REC8: variants seen among roughly 807,000 people sequenced by gnomAD.
The protein encoded by REC8 is meiotic recombination protein REC8 homolog.
REC8 carries 42 observed loss-of-function variants against 78.3 expected under a neutral mutation model. The ratio of observed to expected loss-of-function variants is 0.54; its 90% confidence interval spans 0.42 to 0.69. REC8 has a LOEUF of 0.69. REC8 is among the 30% of genes least tolerant of loss of function. The pLI is 0.00. For synonymous variants in REC8, 268 were observed against 274.1 expected (o/e 0.98, Z 0.22); for missense variants, 581 against 715.8 (o/e 0.81, Z 2.15).
downstream of REC8, chr14:24,180,857 G>C (rs974037182): frequency 2.2e-5 from 21 of 956,692 alleles, no homozygotes; most frequent in Non-Finnish European, 3.3e-5. Flanking sequence ...TATCAGGGGG[G>C]TGGTTGCACC....
In REC8 at chr14:24,179,925, G is replaced by A; in HGVS notation, c.1558+19G>A. 2 of 1,614,076 alleles carry A rather than the reference G, an allele frequency of 1.2e-6. No homozygotes were observed. The highest frequency in any genetic ancestry group is 1.7e-6 in the Non-Finnish European group (2 of 1,180,006). On this transcript the variant is annotated intron_variant, in intron 18 of 18. Transcript: ENST00000611366. ...CTCCTGGGTGAGTGTATGCATGTGT[G>A]TGTGTGTATGTGGGGCAGGGACACA...
chr14:24,180,696 G>A (rs2039120485), downstream of REC8: 2 of 1,614,060 alleles, frequency 1.2e-6, no homozygotes, highest in African/African-American at 1.3e-5. Context: ...CACCTGGTGG[G>A]ATCTTGTTGT....
In REC8 at chr14:24,177,491, G is replaced by A. The variant is rs367730748; in HGVS notation, c.764G>A (p.Gly255Asp). 6.2e-7 allele frequency: 1 copy of A among 1,613,990 alleles called. No individual in the cohort carries two copies. The highest frequency in any genetic ancestry group is 8.5e-7 in the Non-Finnish European group (1 of 1,179,992). Residue 255 changes from glycine (G) to aspartate (D), a missense_variant, in exon 10 of 19, where the codon GGT becomes GAT. Coordinates refer to ENST00000611366, the MANE Select transcript of REC8 (RefSeq NM_001048205.2). ...GTGGAAGGAATAGGAGAGGCACTGG[G>A]TCCTGAGGAGCTGAGGCTGACAGGC... ...AEVEGIGEAL[G>D]PEELRLTGWE...
At chr14:24,178,028 C>T (rs1351520192) in intron 11 of REC8, 63 bp from the exon 12 acceptor site, 35 of 1,564,156 alleles carry the variant, frequency 2.2e-5, no homozygotes, top group Non-Finnish European at 2.9e-5. Flanking sequence ...TAGCAGTCCA[C>T]CAGAATGACA....
Position 24,178,814 on chromosome 14 carries a change from C to T in REC8, c.1101C>T (p.Thr367=). Residue 367 remains threonine (T), a synonymous_variant, in exon 14 of 19, where the codon ACC becomes ACT. Transcript: ENST00000611366. ...WLPPELLGLW[T]HCAQPPPKAL... is the part of the protein sequence containing the mutation. ...CCCCTGAACTACTGGGTCTCTGGAC[C>T]CATTGTGCCCAGCCACCCCCAAAAG... 6.2e-7 allele frequency: 1 copy of T among 1,613,812 alleles called. No homozygotes were observed. Among genetic ancestry groups the T allele is most frequent in the Non-Finnish European group, 8.5e-7 (1 of 1,179,988 alleles).
At chr14:24,174,571 C>G (rs561768897) in intron 5 of REC8, among the ~76,000 whole-genome samples, 3 of 152,150 alleles carry the variant, frequency 2.0e-5, no homozygotes, top group Admixed American at 6.5e-5. Context: ...AACCACCGTG[C>G]CTGGCACATA....
downstream of REC8, chr14:24,180,553 C>G: frequency 6.2e-7 from 1 of 1,614,078 alleles, no homozygotes; most frequent in Non-Finnish European, 8.5e-7. Flanking sequence ...TCAGGAGCAG[C>G]AACAGTGCGG....
intron 5 of REC8, among the ~76,000 whole-genome samples, chr14:24,174,978 GGATAAC>G (rs1359521129): frequency 6.6e-6 from 1 of 150,726 alleles, no homozygotes; most frequent in Non-Finnish European, 1.5e-5. Flanking sequence ...CACTTGCCAA[GGATAAC>G]GATGCACTGC....
intron 16 of REC8, 25 bp from the exon 17 acceptor site, chr14:24,179,570 T>G (rs1227205034): frequency 1.2e-6 from 2 of 1,614,078 alleles, no homozygotes; most frequent in Non-Finnish European, 1.7e-6. Flanking sequence ...GCTGCCACCT[T>G]CCCTACTCTC....
At chr14:24,176,783 AAAG>A (rs1316555852) in intron 6 of REC8, 36 bp from the exon 7 acceptor site, 2 of 1,524,556 alleles carry the variant, frequency 1.3e-6, no homozygotes, top group South Asian at 2.3e-5. Flanking sequence ...GGGAATTTGG[AAAG>A]AAGCAGAGAG....
intron 5 of REC8, 190 bp from the exon 6 acceptor site, chr14:24,175,349 TGGGG>T (rs2139128223): frequency 1.9e-6 from 1 of 526,424 alleles, no homozygotes; most frequent in African/African-American, 1.9e-5. Flanking sequence ...GGGTGCGGGT[TGGGG>T]AGGGAGGTGA....
rs1035633848 is a variant in REC8 at position 24,176,701 on chromosome 14, T to C, written c.545-121T>C. 2.6e-5 allele frequency: 19 copies of C among 739,950 alleles called. No homozygotes were observed. In the African/African-American group the frequency reaches 2.6e-4, roughly 10 times the overall value. The allele number at this position is 739,950 out of a possible 1,614,324, so 45.8% of individuals were successfully genotyped here. On this transcript the variant is annotated intron_variant, in intron 6 of 18. Coordinates refer to ENST00000611366, the MANE Select transcript of REC8 (RefSeq NM_001048205.2). ...TACCCAGGGTCAGGATGCCAGAGAT[T>C]AGCCTGGGTCTGATTAGAATCCAGG...
chr14:24,175,182 T>G, intron 5 of REC8: 1 of 168,576 alleles, frequency 5.9e-6, no homozygotes, highest in Non-Finnish European at 1.3e-5. Flanking sequence ...ATTTTTGTAT[T>G]TTTAGTAGAA....
chr14:24,179,021 T>C (rs2039035464), intron 14 of REC8, 64 bp from the exon 15 acceptor site: 40 of 1,594,052 alleles, frequency 2.5e-5, no homozygotes, highest in Non-Finnish European at 3.4e-5. Flanking sequence ...CTCACTGGCC[T>C]TGTGCCTTCT....
rs766017234 is a variant in REC8 at position 24,178,162 on chromosome 14, T to A, written c.936T>A (p.Thr312=). 1 of 1,613,982 alleles carries A rather than the reference T, an allele frequency of 6.2e-7. No individual in the cohort carries two copies. Among genetic ancestry groups the A allele is most frequent in the Non-Finnish European group, 8.5e-7 (1 of 1,179,954 alleles). The stretch of plus-strand genomic sequence containing the variant: ...GGTTACTGTTCTGGGACAAGGAGAC[T>A]CAGATCTCCCCGGAGAAATTCCAGG... ...RRRLLFWDKE[T]QISPEKFQEQ... The change falls in exon 12 of 19, where the codon ACT becomes ACA. Residue 312 remains threonine (T), a synonymous_variant. Transcript: ENST00000611366.
intron 14 of REC8, 76 bp downstream of exon 14, chr14:24,178,992 T>G: frequency 1.3e-6 from 2 of 1,596,994 alleles, no homozygotes; most frequent in Non-Finnish European, 1.7e-6. Context: ...TCTCCTGCTA[T>G]GAGAGCCAAC....
At position 24,179,857 on chromosome 14, in the gene REC8, A is replaced by T. The variant is rs2039085583; in HGVS notation, c.1509A>T (p.Ser503=). ...NREPDFSSLV[S]PLSPRRMAAR... ...AGCCCGACTTCAGCAGCCTGGTGTC[A>T]CCTCTCAGCCCCCGCAGGATGGCTG... The change falls in exon 18 of 19, where the codon TCA becomes TCT. Residue 503 remains serine, a synonymous_variant. Coordinates refer to ENST00000611366, the MANE Select transcript of REC8 (RefSeq NM_001048205.2). 1.2e-6 allele frequency: 2 copies of T among 1,613,368 alleles called. No homozygotes were observed. Among genetic ancestry groups the T allele is most frequent in the Admixed American group, 1.7e-5 (1 of 59,958 alleles).
Position 24,179,744 on chromosome 14 carries a change from C to A in REC8, c.1451+18C>A, listed in dbSNP as rs372805410. On this transcript the variant is annotated intron_variant, in intron 17 of 18. Coordinates refer to ENST00000611366, the MANE Select transcript of REC8 (RefSeq NM_001048205.2). ...GTGCACAGGTACCAGGGAGGTGGCA[C>A]CTTGATGGGGTGGACCCGGGCTGAA... The A allele has an allele frequency of 6.2e-7, 1 of 1,614,182 alleles. No individual in the cohort carries two copies.
Position 24,177,298 on chromosome 14 carries a change from G to A in REC8, c.707-55G>A, listed in dbSNP as rs374120472. ...CCTGGCGTGGGCATTCTGGGACTGG[G>A]CAATGCTCCCATTTCTCTTTTTCTG... On this transcript the variant is annotated intron_variant, in intron 8 of 18. Coordinates refer to ENST00000611366, the MANE Select transcript of REC8 (RefSeq NM_001048205.2). 355 of 1,613,716 alleles carry A rather than the reference G, an allele frequency of 2.2e-4. 6 individuals are homozygous for A. The South Asian group carries it at 3.7e-3, about 17-fold the overall frequency.
Sources: allele counts gnomAD v4.1 joint callset (sites outside exome capture counted in the v4.1 genomes callset), GRCh38; gene constraint gnomAD v4.1.1; transcripts MANE v1.5; gene names NCBI Gene and HGNC (gene_info 2026-07-23, HGNC 2026-07-21).